Variants in NRXN1 observed in about 807,000 individuals in gnomAD.
NRXN1 encodes the protein neurexin 1, also known as neurexin-1.
A neutral mutation model predicts 150.9 loss-of-function variants in NRXN1; 39 were observed. The observed-to-expected ratio is 0.26, with a 90% confidence interval of 0.20 to 0.34. NRXN1 has a LOEUF of 0.34. Ranked by LOEUF, NRXN1 falls within the 10% of genes least tolerant of loss-of-function variation. The probability of loss-of-function intolerance (pLI) is 1.00; values close to 1 mark genes in which losing one functional copy is unlikely to be tolerated. For missense variants in NRXN1, 1,815 were observed against 1,949.9 expected (o/e 0.93, Z 1.30); for synonymous variants, 924 against 757.0 (o/e 1.22, Z -3.62).
intron 5 of NRXN1, among the ~76,000 whole-genome samples, chr2:50,882,500 T>G (rs1481505014): frequency 1.3e-5 from 2 of 151,892 alleles, no homozygotes; most frequent in Non-Finnish European, 2.9e-5. Flanking sequence ...AGCTAGAGTT[T>G]AAACCATGTT....
chr2:49,923,965 C>G (rs561128674), intron 22 of NRXN1, among the ~76,000 whole-genome samples: 35 of 152,304 alleles, frequency 2.3e-4, no homozygotes, highest in African/African-American at 8.2e-4. Context: ...TGAAAGGAGA[C>G]AAAGACTATA....
chr2:50,802,266 G>T (rs938098653), intron 5 of NRXN1, among the ~76,000 whole-genome samples: 38 of 151,952 alleles, frequency 2.5e-4, no homozygotes, highest in African/African-American at 8.9e-4. Flanking sequence ...CCGAGGCAGG[G>T]GGATCACCTG....
At chr2:50,403,840 C>T (rs1374502565) in intron 17 of NRXN1, among the ~76,000 whole-genome samples, 1 of 151,988 alleles carries the variant, frequency 6.6e-6, no homozygotes, top group African/African-American at 2.4e-5. Flanking sequence ...CAAGTCTAAG[C>T]AGACGTTTGA....
At chr2:50,299,970 C>T (rs1238308496) in intron 17 of NRXN1, among the ~76,000 whole-genome samples, 1 of 152,126 alleles carries the variant, frequency 6.6e-6, no homozygotes, top group African/African-American at 2.4e-5. Flanking sequence ...ACCATGATTT[C>T]TAGAACAGAG....
In NRXN1 at chr2:50,419,431, C is replaced by A. The variant is rs183485797; in HGVS notation, c.3364+46011G>T. Among the ~76,000 whole-genome samples, 976 of 152,006 alleles carry A rather than the reference C, an allele frequency of 6.4e-3. 9 individuals are homozygous for A. The highest frequency in any genetic ancestry group is 0.051 in the South Asian group (244 of 4,814). ...GCAATCTCATTAGATTCATTCTAGC[C>A]CAATATTAAAAGTATTTCTTGCTAA... On this transcript the variant is annotated intron_variant, in intron 17 of 22. Coordinates refer to ENST00000401669, the MANE Select transcript of NRXN1 (RefSeq NM_001330078.2).
chr2:51,027,744 C>T lies in NRXN1; in HGVS notation c.530G>A (p.Arg177Gln), dbSNP rs2105329118. ...ACGAATCCACCCCTTGAAGGGCTCC[C>T]GCTCCCTCACCGAGGCCAGGGTGAG... is the stretch of plus-strand genomic sequence containing the variant. ...LKLTLASVRE[R>Q]EPFKGWIRDV... The change falls in exon 2 of 23, where the codon CGG (arginine) becomes CAG (glutamine). Residue 177 changes from arginine to glutamine, a missense_variant. Physicochemically the swap from Arg to Gln is conservative, Grantham distance 43. Transcript: ENST00000401669. 6.2e-7 allele frequency: 1 copy of T among 1,611,742 alleles called. No homozygotes were observed. Among genetic ancestry groups the T allele is most frequent in the Non-Finnish European group, 8.5e-7 (1 of 1,179,036 alleles).
chr2:50,790,131 C>T (rs71411514), intron 5 of NRXN1, among the ~76,000 whole-genome samples: 2 of 146,764 alleles, frequency 1.4e-5, no homozygotes, highest in South Asian at 4.3e-4. Flanking sequence ...CTTATTCCCT[C>T]CCACCACACA....
intron 18 of NRXN1, among the ~76,000 whole-genome samples, chr2:50,107,539 A>ATTTTTT (rs1230095218): frequency 6.2e-5 from 8 of 129,884 alleles, no homozygotes; most frequent in African/African-American, 2.3e-4. Context: ...ATATATATAT[A>ATTTTTT]TTTTTTTTTT....
At chr2:50,540,064 A>G (rs2093354554) in intron 9 of NRXN1, among the ~76,000 whole-genome samples, 1 of 152,156 alleles carries the variant, frequency 6.6e-6, no homozygotes, top group South Asian at 2.1e-4. Flanking sequence ...TGTCTTTGTC[A>G]GGGAGAAGGG....
At chr2:50,767,435 A>G (rs1476096211) in intron 5 of NRXN1, among the ~76,000 whole-genome samples, 1 of 152,040 alleles carries the variant, frequency 6.6e-6, no homozygotes, top group African/African-American at 2.4e-5. Flanking sequence ...TATTATATAT[A>G]TCTTTTGTAA....
chr2:50,373,707 G>GAAAC (rs1558620689), intron 17 of NRXN1, among the ~76,000 whole-genome samples: 138 of 137,146 alleles, frequency 1.0e-3, no homozygotes, highest in African/African-American at 3.4e-3. Flanking sequence ...AAGAAAGAAA[G>GAAAC]AAAGAGAAAG....
intron 5 of NRXN1, among the ~76,000 whole-genome samples, chr2:50,637,762 T>G (rs565824857): frequency 3.0e-4 from 46 of 152,166 alleles, no homozygotes; most frequent in African/African-American, 9.6e-4. Flanking sequence ...GGAATAGGGA[T>G]GAGGGGACAA....
Position 50,085,818 on chromosome 2 carries a change from TAC to T in NRXN1, c.3718+5503_3718+5504del, listed in dbSNP as rs140414586. Among the ~76,000 whole-genome samples the T allele has an allele frequency of 1.3e-3, 201 of 152,298 alleles. 1 individual carries two copies. The highest frequency in any genetic ancestry group is 4.3e-3 in the African/African-American group (179 of 41,560). Reference sequence around the variant, plus strand: ...AATAGCAGACTGTGACATCGACTGATACAGTTAGGATCAATCATGTAAGTAAT... The same window carrying T: ...AATAGCAGACTGTGACATCGACTGATAGTTAGGATCAATCATGTAAGTAAT... On this transcript the variant is annotated intron_variant, in intron 19 of 22. Transcript: ENST00000401669.
chr2:50,318,968 A>G (rs1441673426), intron 17 of NRXN1, among the ~76,000 whole-genome samples: 2 of 152,144 alleles, frequency 1.3e-5, no homozygotes, highest in African/African-American at 4.8e-5. Context: ...ATCACAATAA[A>G]GAAATATTTA....
intron 17 of NRXN1, among the ~76,000 whole-genome samples, chr2:50,377,823 G>C (rs767941109): frequency 6.6e-6 from 1 of 152,170 alleles, no homozygotes; most frequent in Non-Finnish European, 1.5e-5. Context: ...GTAAGGAGCT[G>C]AGTGGTTGAA....
At chr2:50,309,719 C>T (rs1350727147) in intron 17 of NRXN1, among the ~76,000 whole-genome samples, 1 of 152,148 alleles carries the variant, frequency 6.6e-6, no homozygotes, top group East Asian at 1.9e-4. Flanking sequence ...TCTGATGCCA[C>T]TATGGGACCC....
At chr2:50,869,210 G>C (rs1677400509) in intron 5 of NRXN1, among the ~76,000 whole-genome samples, 1 of 151,670 alleles carries the variant, frequency 6.6e-6, no homozygotes, top group South Asian at 2.1e-4. Context: ...AAATAATTTA[G>C]ATGGCATTGG....
chr2:50,376,564 G>A (rs2080513384), intron 17 of NRXN1, among the ~76,000 whole-genome samples: 1 of 152,084 alleles, frequency 6.6e-6, no homozygotes, highest in South Asian at 2.1e-4. Flanking sequence ...TCTATCTTGT[G>A]TTGCTCAGAA....
At chr2:50,512,051 G>T (rs1456220217) in intron 12 of NRXN1, among the ~76,000 whole-genome samples, 2 of 151,634 alleles carry the variant, frequency 1.3e-5, no homozygotes, top group African/African-American at 4.8e-5. Context: ...ATTTTTATCT[G>T]TAAAATGATA....
Sources: allele counts gnomAD v4.1 joint callset (sites outside exome capture counted in the v4.1 genomes callset), GRCh38; gene constraint gnomAD v4.1.1; transcripts MANE v1.5; gene names NCBI Gene and HGNC (gene_info 2026-07-23, HGNC 2026-07-21).